IRAK2: variants seen among roughly 807,000 people sequenced by gnomAD.
IRAK2 encodes the protein interleukin 1 receptor associated kinase 2.
A neutral mutation model predicts 72.0 loss-of-function variants in IRAK2; 57 were observed. The ratio of observed to expected loss-of-function variants is 0.79; its 90% confidence interval spans 0.64 to 0.99. The LOEUF is 0.99. Among genes scored for constraint, IRAK2 ranks in the 50% least tolerant of loss-of-function variants. The pLI is 0.00. For synonymous variants in IRAK2, 293 were observed against 312.7 expected (o/e 0.94, Z 0.67); for missense variants, 790 against 794.4 (o/e 0.99, Z 0.07).
chr3:10,227,879 C>G (rs1434675256), intron 10 of IRAK2, among the ~76,000 whole-genome samples: 1 of 150,490 alleles, frequency 6.6e-6, no homozygotes, highest in African/African-American at 2.5e-5. Context: ...CTGTGTTAGC[C>G]AGGATGGTCT....
intron 3 of IRAK2, among the ~76,000 whole-genome samples, chr3:10,209,238 G>A (rs1482445699): frequency 1.3e-5 from 2 of 152,176 alleles, no homozygotes; most frequent in African/African-American, 4.8e-5. Context: ...TGCTCTTTGA[G>A]TAGGAGGTGA....
intron 1 of IRAK2, among the ~76,000 whole-genome samples, chr3:10,175,240 T>C (rs1324485398): frequency 6.6e-6 from 1 of 152,190 alleles, no homozygotes; most frequent in Non-Finnish European, 1.5e-5. Context: ...TTCTCCTACC[T>C]CAGCCTCCCG....
chr3:10,220,621 T>C (rs1233393572), intron 8 of IRAK2, among the ~76,000 whole-genome samples: 1 of 152,068 alleles, frequency 6.6e-6, no homozygotes, highest in Non-Finnish European at 1.5e-5. Flanking sequence ...TTTTGTATTT[T>C]TAGTAGATAG....
At chr3:10,185,516 C>T (rs1334638926) in intron 2 of IRAK2, among the ~76,000 whole-genome samples, 1 of 140,604 alleles carries the variant, frequency 7.1e-6, no homozygotes, top group Non-Finnish European at 1.5e-5. Flanking sequence ...CAAGATCGCA[C>T]CATTGTACTC....
chr3:10,193,078 C>T (rs1697202397), intron 2 of IRAK2, among the ~76,000 whole-genome samples: 4 of 152,120 alleles, frequency 2.6e-5, no homozygotes, highest in South Asian at 4.2e-4. Context: ...CTCCAGACTG[C>T]GGGAGTTCAT....
intron 2 of IRAK2, among the ~76,000 whole-genome samples, chr3:10,182,016 G>A (rs1696967503): frequency 7.0e-6 from 1 of 143,784 alleles, no homozygotes; most frequent in South Asian, 2.2e-4. Context: ...CACCCAGGCT[G>A]GAGTGCAGTG....
At chr3:10,215,779 C>T (rs1300798841) in intron 6 of IRAK2, among the ~76,000 whole-genome samples, 1 of 151,290 alleles carries the variant, frequency 6.6e-6, no homozygotes, top group Non-Finnish European at 1.5e-5. Context: ...CACACAGATA[C>T]ACACACACAC....
At chr3:10,194,512 C>T (rs922492072) in intron 2 of IRAK2, among the ~76,000 whole-genome samples, 1 of 152,220 alleles carries the variant, frequency 6.6e-6, no homozygotes, top group African/African-American at 2.4e-5. Flanking sequence ...TGTCACAGCC[C>T]TTTCTTGTAG....
intron 2 of IRAK2, among the ~76,000 whole-genome samples, chr3:10,192,763 A>T (rs1193611101): frequency 6.6e-6 from 1 of 152,170 alleles, no homozygotes; most frequent in Non-Finnish European, 1.5e-5. Context: ...TACTAAAAAT[A>T]CAAAAATTAG....
rs577154821 is a variant in IRAK2 at position 10,221,075 on chromosome 3, G to A, written c.1013+1286G>A. On this transcript the variant is annotated intron_variant, in intron 8 of 12. Coordinates refer to ENST00000256458, the MANE Select transcript of IRAK2 (RefSeq NM_001570.4). ...CACACACACCCGTGCATTTGCGGGC[G>A]TGCACACACACACACGCTAAAAAAG... is the stretch of plus-strand genomic sequence containing the variant. Among the ~76,000 whole-genome samples, 8 of 151,498 alleles carry A rather than the reference G, an allele frequency of 5.3e-5. No homozygotes were observed. In the South Asian group the frequency reaches 1.0e-3, roughly 20 times the overall value.
chr3:10,188,510 TTTTA>T (rs1697118371), intron 2 of IRAK2, among the ~76,000 whole-genome samples: 1 of 151,868 alleles, frequency 6.6e-6, no homozygotes, highest in East Asian at 1.9e-4. Flanking sequence ...ATTTTTGTAA[TTTTA>T]TTTATTTATT....
intron 3 of IRAK2, 130 bp downstream of exon 3, chr3:10,200,645 T>G: frequency 1.4e-6 from 1 of 726,948 alleles, no homozygotes; most frequent in Non-Finnish European, 2.1e-6. Context: ...ATGCCTATAA[T>G]CCCAGCTCCG....
chr3:10,165,960 C>T (rs1325872808), intron 1 of IRAK2, among the ~76,000 whole-genome samples: 2 of 152,000 alleles, frequency 1.3e-5, no homozygotes, highest in African/African-American at 4.8e-5. Flanking sequence ...GATCTCCTGA[C>T]CTTGTGATCC....
chr3:10,220,466 G>T (rs1353008586), intron 8 of IRAK2, among the ~76,000 whole-genome samples: 1 of 151,814 alleles, frequency 6.6e-6, no homozygotes, highest in Non-Finnish European at 1.5e-5. Context: ...TTTTGAGACG[G>T]AGTTTCACGC....
At position 10,242,143 on chromosome 3, in the gene IRAK2, T is replaced by C. The variant is rs374351423; in HGVS notation, c.1793T>C (p.Ile598Thr). Residue 598 changes from isoleucine (I) to threonine (T), a missense_variant, in exon 13 of 13, where the codon ATC becomes ACC. Transcript: ENST00000256458. Reference protein sequence around the residue: ...DVTETSWQIEINEAKRKLMEN... With the variant: ...DVTETSWQIETNEAKRKLMEN... ...ACAGAAACTTCGTGGCAAATTGAGA[T>C]CAATGAGGCCAAAAGGAAACTGATG... is the stretch of plus-strand genomic sequence containing the variant. 82 of 1,612,842 alleles carry C rather than the reference T, an allele frequency of 5.1e-5. No individual in the cohort carries two copies. Among genetic ancestry groups the C allele is most frequent in the Non-Finnish European group, 6.4e-5 (76 of 1,179,254 alleles).
chr3:10,206,506 T>A (rs866473643), intron 3 of IRAK2, among the ~76,000 whole-genome samples: 6 of 152,230 alleles, frequency 3.9e-5, no homozygotes, highest in African/African-American at 1.4e-4. Context: ...TCTGTGTGGG[T>A]TAATTGTTTA....
intron 2 of IRAK2, among the ~76,000 whole-genome samples, chr3:10,199,492 A>G (rs186160430): frequency 6.6e-6 from 1 of 152,262 alleles, no homozygotes; most frequent in East Asian, 1.9e-4. Context: ...CTCAGTGGCC[A>G]TGGCTGCTGT....
chr3:10,236,321 G>C (rs1274114501), intron 11 of IRAK2, among the ~76,000 whole-genome samples: 3 of 142,316 alleles, frequency 2.1e-5, no homozygotes, highest in African/African-American at 7.8e-5. Flanking sequence ...GCACAGTAAG[G>C]ATTTTTGCAG....
chr3:10,176,842 G>A (rs535287389), intron 1 of IRAK2, among the ~76,000 whole-genome samples: 2 of 136,604 alleles, frequency 1.5e-5, no homozygotes, highest in Middle Eastern at 5.8e-3. Flanking sequence ...TCGCTCTGTC[G>A]CCCAGGCTGG....
Sources: allele counts gnomAD v4.1 joint callset (sites outside exome capture counted in the v4.1 genomes callset), GRCh38; gene constraint gnomAD v4.1.1; transcripts MANE v1.5; gene names NCBI Gene and HGNC (gene_info 2026-07-23, HGNC 2026-07-21).